MCC: variants seen among roughly 807,000 people sequenced by gnomAD.
MCC encodes the protein colorectal mutant cancer protein.
A neutral mutation model predicts 116.2 loss-of-function variants in MCC; 90 were observed. The ratio of observed to expected loss-of-function variants is 0.77; its 90% CI spans 0.65 to 0.92. MCC has a LOEUF of 0.92. Ranked by LOEUF, MCC falls within the 40% of genes least tolerant of loss-of-function variation. MCC has a pLI of 0.00. For missense variants in MCC, 1,516 were observed against 1,312.2 expected, an observed-to-expected ratio of 1.16 and a Z score of -2.40; for synonymous variants, 578 against 510.5, an observed-to-expected ratio of 1.13 and a Z score of -1.78.
At chr5:113,066,450 C>T (rs1406447027) in intron 13 of MCC, among the ~76,000 whole-genome samples, 1 of 152,126 alleles carries the variant, frequency 6.6e-6, no homozygotes, top group Non-Finnish European at 1.5e-5. Flanking sequence ...GAAATGCTGG[C>T]AGAGTTTCTA....
chr5:113,340,384 T>C, intron 3 of MCC, 135 bp downstream of exon 3: 1 of 783,200 alleles, frequency 1.3e-6, no homozygotes, highest in Non-Finnish European at 2.0e-6. Context: ...TTACTGGCAA[T>C]GCTGGAAATG....
intron 2 of MCC, among the ~76,000 whole-genome samples, chr5:113,370,731 A>C (rs1768817920): frequency 6.6e-6 from 1 of 152,216 alleles, no homozygotes; most frequent in Admixed American, 6.5e-5. Context: ...TCAAAAAAGC[A>C]AAACCATTTT....
chr5:113,385,469 C>A (rs13182505), intron 1 of MCC, among the ~76,000 whole-genome samples: 41,090 of 152,032 alleles, frequency 0.27, 7,484 homozygotes, highest in African/African-American at 0.52. Flanking sequence ...CCTGTTTCCA[C>A]ACCCTTCTCT....
intron 3 of MCC, among the ~76,000 whole-genome samples, chr5:113,319,896 G>C (rs1260019455): frequency 6.6e-6 from 1 of 152,038 alleles, no homozygotes; most frequent in Non-Finnish European, 1.5e-5. Context: ...CCTACTCCTG[G>C]GCAAACCCCA....
chr5:113,464,372 G>A (rs754816139), intron 1 of MCC, among the ~76,000 whole-genome samples: 2 of 152,158 alleles, frequency 1.3e-5, no homozygotes, highest in Non-Finnish European at 2.9e-5. Context: ...GAATGCACCA[G>A]CTTCCACCTC....
intron 1 of MCC, among the ~76,000 whole-genome samples, chr5:113,391,317 G>T (rs1291956875): frequency 6.6e-6 from 1 of 152,288 alleles, no homozygotes; most frequent in South Asian, 2.1e-4. Flanking sequence ...AAGGTTCTGG[G>T]TTTATAGCCA....
rs761216730 is a variant in MCC at position 113,122,843 on chromosome 5, A to C, written c.885-17T>G. 2 of 1,613,962 alleles carry C rather than the reference A, an allele frequency of 1.2e-6. No individual in the cohort carries two copies. Among genetic ancestry groups the C allele is most frequent in the Non-Finnish European group, 1.7e-6 (2 of 1,179,814 alleles). ...TCTTCCTCCCTGAGAAAAAAGGAGA[A>C]TTGGCAACCACTAACAGAGGATATA... is the stretch of plus-strand genomic sequence containing the variant. On this transcript the variant is annotated splice_polypyrimidine_tract_variant and intron_variant, in intron 5 of 18. Transcript: ENST00000408903.
At position 113,043,525 on chromosome 5, in the gene MCC, C is replaced by A; in HGVS notation, c.2756+5G>T. On this transcript the variant is annotated splice_donor_5th_base_variant and intron_variant, in intron 17 of 18. Coordinates refer to ENST00000408903, the MANE Select transcript of MCC (RefSeq NM_001085377.2). ...CACCAGCTGGGGTGGGGAAAGGGTG[C>A]TTACCGACGAATGGCGTTGGTGAAC... 6.2e-7 allele frequency: 1 copy of A among 1,613,198 alleles called. No individual in the cohort carries two copies. Among genetic ancestry groups the A allele is most frequent in the Non-Finnish European group, 8.5e-7 (1 of 1,179,414 alleles).
intron 3 of MCC, among the ~76,000 whole-genome samples, chr5:113,196,710 G>A (rs572810503): frequency 3.9e-5 from 6 of 152,278 alleles, no homozygotes; most frequent in East Asian, 3.9e-4. Context: ...TTAGCCGAGC[G>A]TGGTGGCACA....
At chr5:113,400,285 G>A (rs1359942866) in intron 1 of MCC, among the ~76,000 whole-genome samples, 1 of 151,854 alleles carries the variant, frequency 6.6e-6, no homozygotes, top group Admixed American at 6.6e-5. Flanking sequence ...ACTATGCCCA[G>A]CTAATTTTTG....
intron 6 of MCC, among the ~76,000 whole-genome samples, chr5:113,119,696 C>T (rs1479686222): frequency 6.6e-6 from 1 of 150,428 alleles, no homozygotes; most frequent in Non-Finnish European, 1.5e-5. Context: ...AGTTTGCTGA[C>T]TAAATGAAAA....
chr5:113,334,278 G>A lies in MCC; in HGVS notation c.627+6241C>T, dbSNP rs143628275. On this transcript the variant is annotated intron_variant, in intron 3 of 18. Coordinates refer to ENST00000408903, the MANE Select transcript of MCC (RefSeq NM_001085377.2). ...GCTGGAATGCAGTGGCGTGATCTTGGCTCACTGTAACTTTCACCTCCCGAG... is the reference window on the plus strand; with the variant it reads ...GCTGGAATGCAGTGGCGTGATCTTGACTCACTGTAACTTTCACCTCCCGAG... 4.9e-4 allele frequency among the ~76,000 whole-genome samples: 74 copies of A among 150,600 alleles called. 1 individual carries two copies. In the East Asian group the frequency reaches 0.013, roughly 27 times the overall value.
At chr5:113,054,391 T>C (rs1229766424) in intron 14 of MCC, among the ~76,000 whole-genome samples, 1 of 152,234 alleles carries the variant, frequency 6.6e-6, no homozygotes, top group Non-Finnish European at 1.5e-5. Flanking sequence ...GGTTAAAAGA[T>C]ATTATATATG....
At chr5:113,387,183 C>T (rs1769281693) in intron 1 of MCC, among the ~76,000 whole-genome samples, 2 of 152,114 alleles carry the variant, frequency 1.3e-5, no homozygotes, top group South Asian at 4.1e-4. Context: ...TATCTGAAGA[C>T]TCATAGCTTA....
chr5:113,329,447 CAT>C (rs1323897185), intron 3 of MCC, among the ~76,000 whole-genome samples: 3 of 150,952 alleles, frequency 2.0e-5, no homozygotes, highest in African/African-American at 7.4e-5. Flanking sequence ...TACATATATA[CAT>C]ATATGTATAC....
intron 1 of MCC, among the ~76,000 whole-genome samples, chr5:113,413,659 T>C (rs1770057776): frequency 6.6e-6 from 1 of 152,186 alleles, no homozygotes; most frequent in Admixed American, 6.5e-5. Flanking sequence ...GAATCTTCTC[T>C]CTTTTCTTCT....
chr5:113,049,224 T>C lies in MCC; in HGVS notation c.2524A>G (p.Thr842Ala), dbSNP rs1306684325. Residue 842 changes from threonine to alanine, a missense_variant, in exon 16 of 19, where the codon ACG becomes GCG. Physicochemically the swap from Thr to Ala is moderately conservative, Grantham distance 58. Coordinates refer to ENST00000408903, the MANE Select transcript of MCC (RefSeq NM_001085377.2). ...TAGGCCTGCTCCTGGGCCTCCCGCG[T>C]GCTCAGCTTCAGCTCCAGGGCCTTC... The part of the protein sequence containing the change: ...EKKALELKLS[T>A]REAQEQAYLV... 1.9e-6 allele frequency: 3 copies of C among 1,613,998 alleles called. No homozygotes were observed. The highest frequency in any genetic ancestry group is 2.5e-6 in the Non-Finnish European group (3 of 1,179,956).
chr5:113,414,651 A>T (rs574578861), intron 1 of MCC, among the ~76,000 whole-genome samples: 1 of 151,930 alleles, frequency 6.6e-6, no homozygotes, highest in South Asian at 2.1e-4. Context: ...TTTTGAGCCT[A>T]TGTGTGTCTC....
At chr5:113,364,805 G>A (rs964801353) in intron 2 of MCC, among the ~76,000 whole-genome samples, 4 of 152,204 alleles carry the variant, frequency 2.6e-5, no homozygotes, top group Non-Finnish European at 5.9e-5. Context: ...AAGGCATATG[G>A]CTTGCACCTT....
Sources: gnomAD v4.1 joint callset for allele counts (sites outside exome capture counted in the v4.1 genomes callset) on GRCh38, gnomAD v4.1.1 for gene constraint, MANE v1.5 for transcripts, NCBI Gene and HGNC (gene_info 2026-07-23, HGNC 2026-07-21) for gene names.